Variants in MARCHF11 observed in about 807,000 individuals in gnomAD.
The protein encoded by MARCHF11 is membrane associated ring-CH-type finger 11.
In MARCHF11, 29 loss-of-function variants were observed where a neutral mutation model predicts 37.3. The ratio of observed to expected loss-of-function variants is 0.78; its 90% confidence interval spans 0.58 to 1.06. The LOEUF is 1.06. Among genes scored for constraint, MARCHF11 ranks in the 50% least tolerant of loss-of-function variants. The probability of loss-of-function intolerance (pLI) is 0.00; values close to 1 mark genes in which losing one functional copy is unlikely to be tolerated. For missense variants in MARCHF11, 482 were observed against 533.4 expected (o/e 0.90, Z 0.95); for synonymous variants, 233 against 228.0 (o/e 1.02, Z -0.20).
intron 3 of MARCHF11, among the ~76,000 whole-genome samples, chr5:16,075,543 A>G (rs990557136): frequency 1.3e-5 from 2 of 152,060 alleles, no homozygotes; most frequent in Non-Finnish European, 2.9e-5. Flanking sequence ...ACCTGTTCCT[A>G]TCTCAGTACC....
chr5:16,161,180 C>G (rs1187649864), intron 2 of MARCHF11, among the ~76,000 whole-genome samples: 2 of 102,674 alleles, frequency 1.9e-5, no homozygotes, highest in South Asian at 8.2e-4. Flanking sequence ...TGCTATCCCT[C>G]CCCCCTCCCC....
rs748825313 is a variant in MARCHF11 at position 16,091,042 on chromosome 5, T to A, written c.733A>T (p.Met245Leu). Residue 245 changes from methionine (M) to leucine (L), a missense_variant, in exon 3 of 4, where the codon ATG becomes TTG. Transcript: ENST00000332432. Reference protein sequence around the residue: ...ISITLVEKVQMIAVILGSLFL... With the variant: ...ISITLVEKVQLIAVILGSLFL... ...AGGGATCCTAGGATTACAGCAATCA[T>A]CTGAACTTTCTCAACCAGTGTTATA... 2 of 1,603,356 alleles carry A rather than the reference T, an allele frequency of 1.2e-6. No homozygotes were observed. The highest frequency in any genetic ancestry group is 2.7e-5 in the African/African-American group (2 of 74,702).
At chr5:16,075,535 C>T (rs568950227) in intron 3 of MARCHF11, among the ~76,000 whole-genome samples, 21 of 152,072 alleles carry the variant, frequency 1.4e-4, no homozygotes, top group Non-Finnish European at 2.8e-4. Flanking sequence ...CTTTGGGAAC[C>T]TGTTCCTATC....
At chr5:16,177,921 G>T in intron 1 of MARCHF11, 40 bp from the exon 2 acceptor site, 1 of 1,542,478 alleles carries the variant, frequency 6.5e-7, no homozygotes, top group Non-Finnish European at 8.7e-7. Flanking sequence ...CTGTGTCTGT[G>T]TCTCTATTTT....
At chr5:16,167,157 CGTGTGTGT>C (rs3031646) in intron 2 of MARCHF11, among the ~76,000 whole-genome samples, 32 of 149,334 alleles carry the variant, frequency 2.1e-4, no homozygotes, top group East Asian at 8.1e-4. Context: ...TGTATACACA[CGTGTGTGT>C]GTGTGTGTGT....
intron 2 of MARCHF11, among the ~76,000 whole-genome samples, chr5:16,128,388 G>A (rs1313817494): frequency 6.6e-6 from 1 of 152,136 alleles, no homozygotes; most frequent in Non-Finnish European, 1.5e-5. Flanking sequence ...CAGTTCAAAT[G>A]CAGGCACAAA....
chr5:16,077,908 T>G (rs1357876161), intron 3 of MARCHF11, among the ~76,000 whole-genome samples: 1 of 152,220 alleles, frequency 6.6e-6, no homozygotes, highest in Non-Finnish European at 1.5e-5. Flanking sequence ...TAATTTAGAA[T>G]AAATGAATGA....
At chr5:16,167,562 G>A (rs1018160962) in intron 2 of MARCHF11, among the ~76,000 whole-genome samples, 4 of 152,014 alleles carry the variant, frequency 2.6e-5, no homozygotes, top group African/African-American at 9.7e-5. Context: ...TGCTTTATCG[G>A]TCTACCAACT....
intron 2 of MARCHF11, among the ~76,000 whole-genome samples, chr5:16,152,911 A>G (rs143022359): frequency 1.1e-3 from 162 of 152,118 alleles, no homozygotes; most frequent in African/African-American, 3.6e-3. Flanking sequence ...TAAATGGTAT[A>G]AAGTAAATAT....
chr5:16,088,370 C>G (rs1736734649), intron 3 of MARCHF11, among the ~76,000 whole-genome samples: 1 of 152,178 alleles, frequency 6.6e-6, no homozygotes, highest in African/African-American at 2.4e-5. Context: ...GAACCTAGCA[C>G]TGTTCAACAC....
intron 2 of MARCHF11, among the ~76,000 whole-genome samples, chr5:16,098,530 G>A (rs921236383): frequency 6.6e-6 from 1 of 152,148 alleles, no homozygotes; most frequent in Non-Finnish European, 1.5e-5. Flanking sequence ...ACTTTGGGGA[G>A]GCAGAGGCAG....
chr5:16,080,822 C>T (rs1736597144), intron 3 of MARCHF11, among the ~76,000 whole-genome samples: 1 of 152,160 alleles, frequency 6.6e-6, no homozygotes, highest in African/African-American at 2.4e-5. Flanking sequence ...TCCCTACTCT[C>T]CTTTATGTTT....
chr5:16,178,994 A>G, intron 1 of MARCHF11, 45 bp downstream of exon 1: 1 of 1,373,756 alleles, frequency 7.3e-7, no homozygotes, highest in Non-Finnish European at 9.4e-7. Flanking sequence ...GACCGGCGCG[A>G]GCTGGAGCCG....
intron 2 of MARCHF11, among the ~76,000 whole-genome samples, chr5:16,123,047 A>T (rs1028660799): frequency 3.9e-5 from 6 of 152,098 alleles, no homozygotes; most frequent in African/African-American, 1.2e-4. Context: ...AAAACTACTT[A>T]TTCTTCAAAG....
At chr5:16,074,202 G>C (rs750405887) in intron 3 of MARCHF11, among the ~76,000 whole-genome samples, 1 of 152,126 alleles carries the variant, frequency 6.6e-6, no homozygotes, top group Non-Finnish European at 1.5e-5. Flanking sequence ...TCTTTGAACT[G>C]AACGATAATA....
rs769440735 is a variant in MARCHF11 at position 16,155,834 on chromosome 5, T to C, written c.693+21892A>G. Among the ~76,000 whole-genome samples, 86 of 152,040 alleles carry C rather than the reference T, an allele frequency of 5.7e-4. 3 individuals are homozygous for C. In the Middle Eastern group the frequency reaches 0.01, roughly 18 times the overall value. ...AGTATTTCTAGAAGTAGCCACTGTA[T>C]TGTAACACAAACGATAATAAATGTG... On this transcript the variant is annotated intron_variant, in intron 2 of 3. Transcript: ENST00000332432.
intron 2 of MARCHF11, among the ~76,000 whole-genome samples, chr5:16,093,527 C>T (rs1008421726): frequency 1.3e-5 from 2 of 152,042 alleles, no homozygotes; most frequent in Non-Finnish European, 2.9e-5. Context: ...AATCGAGTGG[C>T]CATGCACTGA....
chr5:16,067,516 T>C lies in MARCHF11; in HGVS notation c.1164A>G (p.Glu388=). Residue 388 remains glutamate (E), a synonymous_variant, in exon 4 of 4, where the codon GAA becomes GAG. Coordinates refer to ENST00000332432, the MANE Select transcript of MARCHF11 (RefSeq NM_001102562.3). ...NRMRPHEDLS[E]DNSSGEVVMR... ...TCACAACCTCCCCCGAGCTGTTATC[T>C]TCTGATAAGTCTTCATGGGGCCTCA... The C allele has an allele frequency of 6.2e-7, 1 of 1,613,950 alleles. No homozygotes were observed. The highest frequency in any genetic ancestry group is 1.1e-5 in the South Asian group (1 of 91,080).
intron 2 of MARCHF11, among the ~76,000 whole-genome samples, chr5:16,176,864 C>A (rs576707428): frequency 6.6e-6 from 1 of 152,082 alleles, no homozygotes; most frequent in Non-Finnish European, 1.5e-5. Flanking sequence ...TCTATTACTC[C>A]TTTGTCTCTG....
Sources: gnomAD v4.1 joint callset for allele counts (sites outside exome capture counted in the v4.1 genomes callset) on GRCh38, gnomAD v4.1.1 for gene constraint, MANE v1.5 for transcripts, NCBI Gene and HGNC (gene_info 2026-07-23, HGNC 2026-07-21) for gene names.